The following M1AP variants were observed in gnomAD, a reference collection of about 807,000 sequenced individuals.
M1AP encodes meiosis 1 arrest protein.
Under a neutral mutation model 51.2 loss-of-function variants are expected in M1AP, and 39 were observed. That is an observed-to-expected ratio of 0.76 (90% CI 0.59 to 1.00). The LOEUF (loss-of-function observed/expected upper bound fraction) is 1.00. M1AP is among the 50% of genes least tolerant of loss of function. The pLI is 0.00. For synonymous variants in M1AP, 251 were observed against 249.2 expected, an observed-to-expected ratio of 1.01 and a Z score of -0.07; for missense variants, 545 against 641.2, an observed-to-expected ratio of 0.85 and a Z score of 1.62.
chr2:74,639,258 T>A (rs987474824), intron 2 of M1AP, among the ~76,000 whole-genome samples: 1 of 152,252 alleles, frequency 6.6e-6, no homozygotes, highest in Non-Finnish European at 1.5e-5. Context: ...TATATTACAT[T>A]CATAATTCAG....
intron 4 of M1AP, among the ~76,000 whole-genome samples, chr2:74,606,315 CCCTGGTCATTAGCCCATGAAG>C: frequency 6.6e-6 from 1 of 152,268 alleles, no homozygotes; most frequent in East Asian, 1.9e-4. Flanking sequence ...TGTGTGACTC[CCCTGGTCATTAGCCCATGAAG>C]CCAGCCCTGC....
At chr2:74,572,074 T>C (rs1262551213) in intron 7 of M1AP, among the ~76,000 whole-genome samples, 2 of 151,666 alleles carry the variant, frequency 1.3e-5, no homozygotes, top group Non-Finnish European at 2.9e-5. Context: ...TTAATCTAGA[T>C]GAGGTGGACC....
chr2:74,581,341 T>C (rs1422158482), intron 5 of M1AP, among the ~76,000 whole-genome samples: 1 of 152,254 alleles, frequency 6.6e-6, no homozygotes, highest in East Asian at 1.9e-4. Flanking sequence ...ATGTCAATTA[T>C]ATTTACCACA....
chr2:74,598,313 C>T lies in M1AP; in HGVS notation c.595+8742G>A, dbSNP rs372590944. 2.0e-5 allele frequency among the ~76,000 whole-genome samples: 3 copies of T among 151,996 alleles called. No individual in the cohort carries two copies. In the East Asian group the frequency reaches 5.8e-4, roughly 29 times the overall value. On this transcript the variant is annotated intron_variant, in intron 4 of 10. Coordinates refer to ENST00000421985, the MANE Select transcript of M1AP (RefSeq NM_001321739.2). ...AGGAGCATGGCTCGAGCCTGGGAGG[C>T]GGAGGTTGTGGTGAGCCGAGACTGC...
At chr2:74,600,887 T>C (rs749771950) in intron 4 of M1AP, among the ~76,000 whole-genome samples, 48 of 152,180 alleles carry the variant, frequency 3.2e-4, no homozygotes, top group Admixed American at 4.6e-4. Flanking sequence ...ATTATAGTCT[T>C]ATATTCTTAA....
chr2:74,614,899 A>G, intron 3 of M1AP, 65 bp downstream of exon 3: 2 of 1,415,210 alleles, frequency 1.4e-6, no homozygotes, highest in South Asian at 2.3e-5. Context: ...AAAGATGATA[A>G]ACAATGACCT....
At chr2:74,578,763 T>C (rs781179553) in intron 5 of M1AP, among the ~76,000 whole-genome samples, 1 of 152,158 alleles carries the variant, frequency 6.6e-6, no homozygotes, top group Admixed American at 6.5e-5. Flanking sequence ...TGGCATCAGA[T>C]AGAGAACCTT....
chr2:74,578,037 A>G (rs1006387430), intron 5 of M1AP, among the ~76,000 whole-genome samples: 4 of 152,168 alleles, frequency 2.6e-5, no homozygotes, highest in African/African-American at 9.7e-5. Context: ...GTAGTTCACA[A>G]TAGGGTTTGG....
chr2:74,569,490 C>T (rs1416074402), intron 7 of M1AP, among the ~76,000 whole-genome samples: 1 of 150,180 alleles, frequency 6.7e-6, no homozygotes, highest in Non-Finnish European at 1.5e-5. Context: ...AAGTGATTCT[C>T]GCGCCTCCCG....
Position 74,622,093 on chromosome 2 carries a change from C to T in M1AP, c.241-6944G>A, listed in dbSNP as rs192789485. Among the ~76,000 whole-genome samples, 627 of 151,668 alleles carry T rather than the reference C, an allele frequency of 4.1e-3. 3 individuals are homozygous for T. The highest frequency in any genetic ancestry group is 6.5e-3 in the Non-Finnish European group (440 of 67,938). On this transcript the variant is annotated intron_variant, in intron 2 of 10. Coordinates refer to ENST00000421985, the MANE Select transcript of M1AP (RefSeq NM_001321739.2). The stretch of plus-strand genomic sequence containing the variant: ...TGAGATCATGCCACTGCACTCCAGC[C>T]TGGGCCACACAGTGGGACTCCATCT...
chr2:74,583,036 A>G (rs894986191), intron 4 of M1AP, among the ~76,000 whole-genome samples: 1 of 151,784 alleles, frequency 6.6e-6, no homozygotes, highest in African/African-American at 2.4e-5. Context: ...AAATAAATAA[A>G]ATAAATAAAA....
chr2:74,644,086 T>C (rs768281810), intron 1 of M1AP, among the ~76,000 whole-genome samples: 16 of 152,122 alleles, frequency 1.1e-4, no homozygotes, highest in Non-Finnish European at 1.8e-4. Flanking sequence ...AAAAAATATG[T>C]CCCCACCTCT....
chr2:74,618,839 A>G, intron 2 of M1AP: 1 of 445,282 alleles, frequency 2.2e-6, no homozygotes, highest in East Asian at 6.2e-5. Flanking sequence ...CTCTTATCCC[A>G]TCTGGTTAAG....
At chr2:74,620,303 G>A (rs1233537036) in intron 2 of M1AP, among the ~76,000 whole-genome samples, 2 of 152,196 alleles carry the variant, frequency 1.3e-5, no homozygotes, top group Non-Finnish European at 2.9e-5. Flanking sequence ...CCAAGGACTC[G>A]AAAGATGAGA....
chr2:74,630,368 C>T (rs781327791), intron 2 of M1AP, among the ~76,000 whole-genome samples: 22 of 152,150 alleles, frequency 1.4e-4, no homozygotes, highest in Non-Finnish European at 2.1e-4. Flanking sequence ...ATGTGCAGAA[C>T]GTGCAGGTTT....
chr2:74,601,563 T>G (rs1297690996), intron 4 of M1AP, among the ~76,000 whole-genome samples: 1 of 152,068 alleles, frequency 6.6e-6, no homozygotes, highest in African/African-American at 2.4e-5. Context: ...AATAAAAAAT[T>G]TTAAAATAGC....
At position 74,562,380 on chromosome 2, in the gene M1AP, G is replaced by A. The variant is rs200523774; in HGVS notation, c.1118C>T (p.Pro373Leu). 6.2e-7 allele frequency: 1 copy of A among 1,614,212 alleles called. No homozygotes were observed. Among genetic ancestry groups the A allele is most frequent in the East Asian group, 2.2e-5 (1 of 44,888 alleles). ...GGCAGGAATTCTCTGGCTGTGTCCT[G>A]GGCCCGGTGGTTCCCCCTTGGCTAA... ...LLLAKGEPPG[P>L]GHSQRIPAST... Residue 373 changes from proline (P) to leucine (L), a missense_variant, in exon 8 of 11, where the codon CCA becomes CTA. Transcript: ENST00000421985.
intron 1 of M1AP, 80 bp downstream of exon 1, chr2:74,648,185 G>T: frequency 2.1e-6 from 2 of 958,482 alleles, no homozygotes; most frequent in Non-Finnish European, 1.2e-6. Context: ...CCCGAGCTCG[G>T]CCCACGCCCA....
chr2:74,640,375 GT>G, intron 1 of M1AP, 48 bp from the exon 2 acceptor site: 1 of 1,436,342 alleles, frequency 7.0e-7, no homozygotes, highest in Non-Finnish European at 9.4e-7. Context: ...TGAATTATGT[GT>G]GCTCTGTTGA....
Sources: gnomAD v4.1 joint callset for allele counts (sites outside exome capture counted in the v4.1 genomes callset) on GRCh38, gnomAD v4.1.1 for gene constraint, MANE v1.5 for transcripts, NCBI Gene and HGNC (gene_info 2026-07-23, HGNC 2026-07-21) for gene names.